SPOCK1: variants seen among roughly 807,000 people sequenced by gnomAD.
SPOCK1 encodes the protein testican-1.
In SPOCK1, 23 loss-of-function variants were observed where a neutral mutation model predicts 55.3. The observed-to-expected ratio is 0.42, with a 90% CI of 0.30 to 0.59. The LOEUF (loss-of-function observed/expected upper bound fraction) is 0.59, where lower values mean the gene tolerates loss of function less well. Ranked by LOEUF, SPOCK1 falls within the 20% of genes least tolerant of loss-of-function variation. The pLI is 0.22. For missense variants in SPOCK1, 499 were observed against 552.5 expected (o/e 0.90, Z 0.97); for synonymous variants, 226 against 221.0 (o/e 1.02, Z -0.20).
intron 2 of SPOCK1, among the ~76,000 whole-genome samples, chr5:137,343,324 G>T (rs1455597525): frequency 6.6e-6 from 1 of 152,194 alleles, no homozygotes; most frequent in Non-Finnish European, 1.5e-5. Context: ...GGACCCTCTT[G>T]TCTAGGCTCA....
At chr5:137,498,134 C>G (rs1754337787) in intron 2 of SPOCK1, among the ~76,000 whole-genome samples, 1 of 152,152 alleles carries the variant, frequency 6.6e-6, no homozygotes, top group African/African-American at 2.4e-5. Context: ...ATACACACAC[C>G]TGGGCCACAG....
chr5:137,062,422 G>A (rs975290031), intron 6 of SPOCK1, among the ~76,000 whole-genome samples: 2 of 151,958 alleles, frequency 1.3e-5, no homozygotes, highest in East Asian at 3.9e-4. Flanking sequence ...GCAGGCAGAT[G>A]CTCAGGTTCA....
chr5:137,030,442 G>A (rs1751758148), intron 6 of SPOCK1, among the ~76,000 whole-genome samples: 1 of 152,192 alleles, frequency 6.6e-6, no homozygotes, highest in Non-Finnish European at 1.5e-5. Context: ...GACGCAAATG[G>A]CAATTTACAA....
chr5:137,084,406 C>T (rs1752924172), intron 5 of SPOCK1, among the ~76,000 whole-genome samples: 1 of 151,988 alleles, frequency 6.6e-6, no homozygotes, highest in South Asian at 2.1e-4. Flanking sequence ...GGGGCCATGG[C>T]ATGGATAACG....
intron 2 of SPOCK1, among the ~76,000 whole-genome samples, chr5:137,340,618 C>T (rs577369941): frequency 2.0e-5 from 3 of 152,252 alleles, no homozygotes; most frequent in East Asian, 3.9e-4. Context: ...CGGTGGCTCA[C>T]GCCTGTAATC....
intron 3 of SPOCK1, among the ~76,000 whole-genome samples, chr5:137,231,201 CA>C (rs1756055020): frequency 6.6e-6 from 1 of 152,182 alleles, no homozygotes; most frequent in African/African-American, 2.4e-5. Flanking sequence ...TGCGCCACCA[CA>C]ACCAGCTAAT....
At chr5:137,381,422 C>A (rs1751462940) in intron 2 of SPOCK1, among the ~76,000 whole-genome samples, 1 of 152,214 alleles carries the variant, frequency 6.6e-6, no homozygotes, top group African/African-American at 2.4e-5. Context: ...TATGTTTCCC[C>A]TCTGTACTCC....
intron 2 of SPOCK1, 148 bp downstream of exon 2, chr5:137,498,225 G>A: frequency 2.5e-6 from 2 of 800,258 alleles, no homozygotes; most frequent in Non-Finnish European, 1.7e-6. Context: ...AGCTGGGACC[G>A]ACCAGCCCCC....
chr5:137,351,460 C>T (rs893311889), intron 2 of SPOCK1, among the ~76,000 whole-genome samples: 11 of 152,324 alleles, frequency 7.2e-5, no homozygotes, highest in South Asian at 4.1e-4. Flanking sequence ...AACCACAATC[C>T]GCTTGTTGTC....
chr5:137,045,237 T>C (rs1459785569), intron 6 of SPOCK1, among the ~76,000 whole-genome samples: 2 of 134,806 alleles, frequency 1.5e-5, no homozygotes, highest in South Asian at 5.3e-4. Flanking sequence ...CCACAATGGT[T>C]GAACTAGTTT....
At chr5:137,121,402 T>C (rs1215945414) in intron 4 of SPOCK1, among the ~76,000 whole-genome samples, 1 of 151,994 alleles carries the variant, frequency 6.6e-6, no homozygotes, top group East Asian at 1.9e-4. Context: ...CAGGCTATAT[T>C]TAAATATGCC....
Position 137,055,116 on chromosome 5 carries a change from G to A in SPOCK1, c.589+12599C>T, listed in dbSNP as rs570244373. ...ATAAACTCTGCTCTATAAAGACATG[G>A]AAAACAGCTCAGCTCGACACAATTA... On this transcript the variant is annotated intron_variant, in intron 6 of 10. Coordinates refer to ENST00000394945, the MANE Select transcript of SPOCK1 (RefSeq NM_004598.4). 8.5e-5 allele frequency among the ~76,000 whole-genome samples: 13 copies of A among 152,148 alleles called. No homozygotes were observed. In the East Asian group the frequency reaches 2.5e-3, roughly 29 times the overall value.
rs972396767 is a variant in SPOCK1 at position 137,076,560 on chromosome 5, T to A, written c.475-8731A>T. Reference sequence around the variant, plus strand: ...ATCTAAGATAAAGCCTATTTAATAATAAAAAGTAGGATATCTCATGTAATT... The same window carrying A: ...ATCTAAGATAAAGCCTATTTAATAAAAAAAAGTAGGATATCTCATGTAATT... On this transcript the variant is annotated intron_variant, in intron 5 of 10. Coordinates refer to ENST00000394945, the MANE Select transcript of SPOCK1 (RefSeq NM_004598.4). Among the ~76,000 whole-genome samples, 33 of 106,726 alleles carry A rather than the reference T, an allele frequency of 3.1e-4. No homozygotes were observed. The East Asian group carries it at 6.7e-3, about 22-fold the overall frequency. 70.0% of individuals were successfully genotyped at this position (106,726 alleles called of 152,430 possible).
chr5:137,313,970 G>A (rs1757832673), intron 2 of SPOCK1, among the ~76,000 whole-genome samples: 2 of 149,402 alleles, frequency 1.3e-5, no homozygotes, highest in Admixed American at 6.7e-5. Context: ...GTTCCCAGAT[G>A]GTCCTGCACC....
chr5:137,473,227 T>A (rs1182093911), intron 2 of SPOCK1, among the ~76,000 whole-genome samples: 7 of 152,218 alleles, frequency 4.6e-5, no homozygotes, highest in Admixed American at 3.3e-4. Context: ...CATAGGAGAC[T>A]GGCTGAATAA....
chr5:137,205,710 T>C (rs1755507690), intron 3 of SPOCK1, among the ~76,000 whole-genome samples: 1 of 152,204 alleles, frequency 6.6e-6, no homozygotes, highest in Non-Finnish European at 1.5e-5. Context: ...CAACATTTCT[T>C]ACTTGTTACA....
chr5:136,993,632 T>C (rs1275114694), intron 6 of SPOCK1, among the ~76,000 whole-genome samples: 5 of 152,206 alleles, frequency 3.3e-5, no homozygotes, highest in Non-Finnish European at 5.9e-5. Flanking sequence ...ATTCTAAAGC[T>C]ACAGGAGCAC....
intron 2 of SPOCK1, among the ~76,000 whole-genome samples, chr5:137,333,046 G>A (rs1370144928): frequency 6.6e-6 from 1 of 152,200 alleles, no homozygotes; most frequent in Non-Finnish European, 1.5e-5. Context: ...ATCACCTGGG[G>A]TGTTGGTCAA....
intron 2 of SPOCK1, among the ~76,000 whole-genome samples, chr5:137,282,965 T>C (rs555098781): frequency 6.6e-6 from 1 of 152,340 alleles, no homozygotes; most frequent in East Asian, 1.9e-4. Flanking sequence ...ACACTCTGGA[T>C]AGATACAGAA....
Sources: allele counts gnomAD v4.1 joint callset (sites outside exome capture counted in the v4.1 genomes callset), GRCh38; gene constraint gnomAD v4.1.1; transcripts MANE v1.5; gene names NCBI Gene and HGNC (gene_info 2026-07-23, HGNC 2026-07-21).